The following SEMA3A variants were observed in gnomAD, a reference collection of about 807,000 sequenced individuals.
SEMA3A encodes semaphorin 3A, also known as semaphorin-3A.
Under a neutral mutation model 97.9 loss-of-function variants are expected in SEMA3A, and 29 were observed. The observed-to-expected ratio is 0.30, with a 90% confidence interval of 0.22 to 0.40. SEMA3A has a LOEUF of 0.40. SEMA3A is among the 10% of genes least tolerant of loss of function. The pLI is 1.00. For synonymous variants in SEMA3A, 321 were observed against 323.7 expected, an observed-to-expected ratio of 0.99 and a Z score of 0.09; for missense variants, 763 against 951.3, an observed-to-expected ratio of 0.80 and a Z score of 2.60.
intron 3 of SEMA3A, among the ~76,000 whole-genome samples, chr7:84,223,589 A>G (rs1034681582): frequency 1.1e-4 from 16 of 151,900 alleles, no homozygotes; most frequent in African/African-American, 3.6e-4. Context: ...CTCAATATAC[A>G]GTGTGTTTCT....
intron 2 of SEMA3A, among the ~76,000 whole-genome samples, chr7:84,317,709 A>G (rs2115894752): frequency 6.6e-6 from 1 of 152,244 alleles, no homozygotes; most frequent in South Asian, 2.1e-4. Flanking sequence ...TTCATCAGCT[A>G]TTGTGGTTGT....
intron 3 of SEMA3A, among the ~76,000 whole-genome samples, chr7:84,125,744 C>G (rs910326952): frequency 6.6e-6 from 1 of 151,972 alleles, no homozygotes; most frequent in Non-Finnish European, 1.5e-5. Flanking sequence ...GAGAAAGTTC[C>G]CATAAAAGAT....
chr7:84,003,829 A>T (rs1307284936), intron 11 of SEMA3A, among the ~76,000 whole-genome samples: 2 of 146,378 alleles, frequency 1.4e-5, no homozygotes, highest in East Asian at 4.0e-4. Flanking sequence ...AAGGATATTT[A>T]TAACCAGAAA....
At chr7:84,334,822 C>T (rs1311119304) in intron 2 of SEMA3A, among the ~76,000 whole-genome samples, 1 of 151,418 alleles carries the variant, frequency 6.6e-6, no homozygotes, top group Non-Finnish European at 1.5e-5. Flanking sequence ...TCCCACCCTC[C>T]CCTCCTGGTC....
intron 3 of SEMA3A, among the ~76,000 whole-genome samples, chr7:84,269,298 A>G (rs1404905781): frequency 1.3e-5 from 2 of 152,126 alleles, no homozygotes; most frequent in South Asian, 2.1e-4. Context: ...ATATATTTTA[A>G]CAAAACCTAT....
At chr7:84,033,405 C>T (rs1333054397) in intron 6 of SEMA3A, among the ~76,000 whole-genome samples, 1 of 152,126 alleles carries the variant, frequency 6.6e-6, no homozygotes, top group Admixed American at 6.6e-5. Context: ...GTTAGATGGG[C>T]TTTCATTGAT....
In SEMA3A at chr7:83,962,073, T is replaced by A. The variant is rs549198024; in HGVS notation, c.1861-247A>T. On this transcript the variant is annotated intron_variant, in intron 16 of 16. Coordinates refer to ENST00000265362, the MANE Select transcript of SEMA3A (RefSeq NM_006080.3). ...GTTTTAATAGAATTTCTTATAATAATTTAAAATATTCAAGGTAACTGGAGG... is the reference window on the plus strand; with the variant it reads ...GTTTTAATAGAATTTCTTATAATAAATTAAAATATTCAAGGTAACTGGAGG... Among the ~76,000 whole-genome samples the A allele has an allele frequency of 9.9e-5, 15 of 152,202 alleles. No homozygotes were observed. The South Asian group carries it at 3.1e-3, about 32-fold the overall frequency.
chr7:83,963,268 C>A lies in SEMA3A; in HGVS notation c.1797G>T (p.Pro599=), dbSNP rs367617715. 1.2e-6 allele frequency: 2 copies of A among 1,613,706 alleles called. No individual in the cohort carries two copies. Among genetic ancestry groups the A allele is most frequent in the Non-Finnish European group, 1.7e-6 (2 of 1,179,966 alleles). The part of the protein sequence containing the change: ...ENSSTFLECS[P]KSQRALVYWQ... ...AATAGACCAGCGCTCTCTGCGACTT[C>A]GGACTGCATTCCAAAAATGTGCTAC... is the stretch of plus-strand genomic sequence containing the variant. The change falls in exon 16 of 17, where the codon CCG becomes CCT. Residue 599 remains proline (P), a synonymous_variant. Coordinates refer to ENST00000265362, the MANE Select transcript of SEMA3A (RefSeq NM_006080.3).
chr7:84,383,348 T>C (rs1039430424), intron 1 of SEMA3A, among the ~76,000 whole-genome samples: 3 of 152,130 alleles, frequency 2.0e-5, no homozygotes, highest in African/African-American at 7.2e-5. Context: ...AATGGAGGTA[T>C]GGATTATGAA....
intron 6 of SEMA3A, among the ~76,000 whole-genome samples, chr7:84,032,779 C>G (rs1293442176): frequency 6.6e-6 from 1 of 151,124 alleles, no homozygotes; most frequent in Non-Finnish European, 1.5e-5. Context: ...ATTTAGTATC[C>G]TATCTTGGTG....
At chr7:84,206,598 A>G (rs1798500755) in intron 3 of SEMA3A, among the ~76,000 whole-genome samples, 2 of 152,124 alleles carry the variant, frequency 1.3e-5, no homozygotes, top group Admixed American at 1.3e-4. Context: ...CTGGGATTAC[A>G]GGCGTGAGCC....
intron 1 of SEMA3A, among the ~76,000 whole-genome samples, chr7:84,437,413 T>C (rs1805163076): frequency 6.6e-6 from 1 of 152,028 alleles, no homozygotes; most frequent in Non-Finnish European, 1.5e-5. Flanking sequence ...ATTACTTAAA[T>C]TGATATTGTT....
chr7:84,468,281 G>A (rs1806056602), intron 1 of SEMA3A, among the ~76,000 whole-genome samples: 1 of 152,160 alleles, frequency 6.6e-6, no homozygotes, highest in Non-Finnish European at 1.5e-5. Context: ...CCAGTATGCA[G>A]AGCCCTTTTC....
intron 2 of SEMA3A, among the ~76,000 whole-genome samples, chr7:84,356,252 T>G (rs1252628299): frequency 6.6e-6 from 1 of 151,838 alleles, no homozygotes; most frequent in Non-Finnish European, 1.5e-5. Flanking sequence ...TGCAACACAC[T>G]GATTTTAATT....
chr7:84,359,477 C>T (rs1186155936), intron 2 of SEMA3A, among the ~76,000 whole-genome samples: 1 of 152,020 alleles, frequency 6.6e-6, no homozygotes, highest in Non-Finnish European at 1.5e-5. Context: ...CCTTGCATCC[C>T]AGGGATGAAG....
chr7:84,306,185 T>C (rs1408011048), intron 3 of SEMA3A, among the ~76,000 whole-genome samples: 2 of 151,900 alleles, frequency 1.3e-5, no homozygotes, highest in African/African-American at 2.4e-5. Flanking sequence ...TTTGTGTATG[T>C]AAATGATATT....
At chr7:84,247,066 T>C (rs1371224244) in intron 3 of SEMA3A, among the ~76,000 whole-genome samples, 5 of 152,114 alleles carry the variant, frequency 3.3e-5, no homozygotes, top group African/African-American at 4.8e-5. Flanking sequence ...AAATATCAGA[T>C]TGATATTTGA....
At chr7:84,472,662 T>C (rs923560078) in intron 1 of SEMA3A, among the ~76,000 whole-genome samples, 1 of 152,176 alleles carries the variant, frequency 6.6e-6, no homozygotes, top group African/African-American at 2.4e-5. Flanking sequence ...AGTAAACTTA[T>C]ATGTCGCACA....
At chr7:84,492,105 T>G (rs1029939077) in intron 1 of SEMA3A, among the ~76,000 whole-genome samples, 1 of 152,136 alleles carries the variant, frequency 6.6e-6, no homozygotes, top group African/African-American at 2.4e-5. Context: ...AAAGATTTTT[T>G]TGTGTGTGTT....
Sources: allele counts gnomAD v4.1 joint callset (sites outside exome capture counted in the v4.1 genomes callset), GRCh38; gene constraint gnomAD v4.1.1; transcripts MANE v1.5; gene names NCBI Gene and HGNC (gene_info 2026-07-23, HGNC 2026-07-21).